Variants in FGD5 observed in about 807,000 individuals in gnomAD.
FGD5 encodes the protein FYVE, RhoGEF and PH domain-containing protein 5.
Under a neutral mutation model 133.4 loss-of-function variants are expected in FGD5, and 28 were observed. The ratio of observed to expected loss-of-function variants is 0.21; its 90% CI spans 0.16 to 0.29. The LOEUF is 0.29. Ranked by LOEUF, FGD5 falls within the 10% of genes least tolerant of loss-of-function variation. The probability of loss-of-function intolerance (pLI) is 1.00; values close to 1 mark genes in which losing one functional copy is unlikely to be tolerated. For synonymous variants in FGD5, 810 were observed against 776.5 expected (o/e 1.04, Z -0.72); for missense variants, 1,858 against 1,895.2 (o/e 0.98, Z 0.36).
Position 14,917,215 on chromosome 3 carries a change from C to T in FGD5, c.3406-34C>T, listed in dbSNP as rs1361284962. On this transcript the variant is annotated intron_variant, in intron 11 of 19. Transcript: ENST00000285046. The surrounding 1 kb of genome is among the most constrained non-coding windows in gnomAD (Gnocchi z 4.1). ...AGAAGCCTGGCGCAGCCTTCTGGGG[C>T]CAGGGTCCTCTCATAGGGTTTCCCT... The T allele has an allele frequency of 1.9e-6, 3 of 1,593,430 alleles. No individual in the cohort carries two copies. Among genetic ancestry groups the T allele is most frequent in the East Asian group, 2.3e-5 (1 of 44,314 alleles).
At chr3:14,854,768 G>A (rs992763499) in intron 1 of FGD5, among the ~76,000 whole-genome samples, 2 of 152,050 alleles carry the variant, frequency 1.3e-5, no homozygotes, top group African/African-American at 2.4e-5. Flanking sequence ...TATTCATTAG[G>A]TCCATAGTGA....
In FGD5 at chr3:14,922,321, A is replaced by C; in HGVS notation, c.3670-90A>C. On this transcript the variant is annotated intron_variant, in intron 14 of 19. Coordinates refer to ENST00000285046, the MANE Select transcript of FGD5 (RefSeq NM_152536.4). This position sits in a 1 kb window ranked among gnomAD's most constrained non-coding sequence, Gnocchi z 4.1. ...CTCACCCACACATCACACACCCTGC[A>C]CAGAGACGCAGGGCAGGGCTCACTG... The C allele has an allele frequency of 6.6e-7, 1 of 1,504,856 alleles. No homozygotes were observed. Among genetic ancestry groups the C allele is most frequent in the Non-Finnish European group, 9.0e-7 (1 of 1,112,448 alleles). 93.2% of individuals were successfully genotyped at this position (1,504,856 alleles called of 1,614,324 possible).
At chr3:14,909,972 G>C (rs369868998) in intron 10 of FGD5, among the ~76,000 whole-genome samples, 12 of 151,812 alleles carry the variant, frequency 7.9e-5, no homozygotes, top group African/African-American at 2.9e-4. Context: ...CACCATATTG[G>C]CCAGGCTGGT....
chr3:14,882,381 G>A (rs112282913), intron 4 of FGD5: 2 of 982,536 alleles, frequency 2.0e-6, no homozygotes, highest in African/African-American at 3.5e-5. Flanking sequence ...TCCTGAGGAT[G>A]GGGTGAAGGG....
chr3:14,873,137 A>G (rs1256697840), intron 2 of FGD5, among the ~76,000 whole-genome samples: 1 of 152,182 alleles, frequency 6.6e-6, no homozygotes, highest in African/African-American at 2.4e-5. Flanking sequence ...CTAAACTGAA[A>G]GAGGGAAGGA....
intron 1 of FGD5, among the ~76,000 whole-genome samples, chr3:14,838,832 AC>A (rs2036865193): frequency 6.6e-6 from 1 of 152,230 alleles, no homozygotes; most frequent in Admixed American, 6.5e-5. Flanking sequence ...CTGGGGCCTC[AC>A]ATCCCTCTCT....
At chr3:14,858,504 TAAC>T (rs1015645495) in intron 1 of FGD5, among the ~76,000 whole-genome samples, 7 of 152,294 alleles carry the variant, frequency 4.6e-5, no homozygotes, top group African/African-American at 1.7e-4. Context: ...CACCTGAAGA[TAAC>T]ACCTCATCCA....
chr3:14,931,343 A>T (rs567662205), intron 18 of FGD5: 2 of 152,252 alleles, frequency 1.3e-5, no homozygotes, highest in Admixed American at 6.5e-5. Flanking sequence ...TTTATTTTAA[A>T]AAAATATTTC....
chr3:14,846,228 C>T (rs2037049032), intron 1 of FGD5, among the ~76,000 whole-genome samples: 1 of 152,032 alleles, frequency 6.6e-6, no homozygotes. Flanking sequence ...GGTTTGGGGG[C>T]TCAGGGGCTT....
chr3:14,865,928 T>A (rs762401396), intron 2 of FGD5, among the ~76,000 whole-genome samples: 1 of 152,160 alleles, frequency 6.6e-6, no homozygotes, highest in Non-Finnish European at 1.5e-5. Flanking sequence ...GATTTTGGCT[T>A]TTCTGGGCAT....
intron 2 of FGD5, among the ~76,000 whole-genome samples, chr3:14,880,358 A>C (rs550228801): frequency 1.3e-5 from 2 of 152,208 alleles, no homozygotes; most frequent in Non-Finnish European, 2.9e-5. Context: ...TGTCTCAAAT[A>C]AAATAAATAC....
intron 1 of FGD5, among the ~76,000 whole-genome samples, chr3:14,857,514 C>G (rs546817380): frequency 6.6e-6 from 1 of 152,096 alleles, no homozygotes; most frequent in Non-Finnish European, 1.5e-5. Flanking sequence ...ACTTAACATA[C>G]AGCAAAGTTT....
rs2038283799 is a variant in FGD5 at position 14,903,536 on chromosome 3, A to G, written c.3264+2475A>G. ...ACCCCACAACAGTCCCCAGAGTGTG[A>G]TGTTCCCCTTCCTGTGTCCATGTGA... On this transcript the variant is annotated intron_variant, in intron 9 of 19. Coordinates refer to ENST00000285046, the MANE Select transcript of FGD5 (RefSeq NM_152536.4). 4.1e-5 allele frequency among the ~76,000 whole-genome samples: 5 copies of G among 122,540 alleles called. No individual in the cohort carries two copies. The South Asian group carries it at 1.3e-3, about 32-fold the overall frequency. The allele number at this position is 122,540 out of a possible 152,430, so 80.4% of individuals were successfully genotyped here. A position where few individuals can be genotyped will look rare whatever the true frequency, so the allele number is the denominator to read the frequency against.
Position 14,819,164 on chromosome 3 carries a change from G to T in FGD5, c.93G>T (p.Leu31Phe), listed in dbSNP as rs2036429618. Residue 31 changes from leucine (L) to phenylalanine (F), a missense_variant, in exon 1 of 20, where the codon TTG (leucine) becomes TTT (phenylalanine). Transcript: ENST00000285046. The surrounding 1 kb of genome is among the most constrained non-coding windows in gnomAD (Gnocchi z 4.1). ...CCAGTGTGTACCTGAATGACAGCTTGAACAAATGCAGCAACGGGCGGCTGC... is the reference window on the plus strand; with the variant it reads ...CCAGTGTGTACCTGAATGACAGCTTTAACAAATGCAGCAACGGGCGGCTGC... The part of the protein sequence containing the change: ...WRASVYLNDS[L>F]NKCSNGRLPC... 1 of 1,551,490 alleles carries T rather than the reference G, an allele frequency of 6.4e-7. No homozygotes were observed. Among genetic ancestry groups the T allele is most frequent in the Non-Finnish European group, 8.7e-7 (1 of 1,147,006 alleles).
At chr3:14,927,663 T>G (rs1478190253) in intron 18 of FGD5, among the ~76,000 whole-genome samples, 1 of 152,166 alleles carries the variant, frequency 6.6e-6, no homozygotes, top group Non-Finnish European at 1.5e-5. Flanking sequence ...ACCCCTATCA[T>G]GTACCCTGAG....
chr3:14,826,164 A>T lies in FGD5; in HGVS notation c.2525+4568A>T, dbSNP rs184432663. Among the ~76,000 whole-genome samples, 34 of 151,590 alleles carry T rather than the reference A, an allele frequency of 2.2e-4. No homozygotes were observed. In the East Asian group the frequency reaches 5.8e-3, roughly 26 times the overall value. On this transcript the variant is annotated intron_variant, in intron 1 of 19. Coordinates refer to ENST00000285046, the MANE Select transcript of FGD5 (RefSeq NM_152536.4). Reference sequence around the variant, plus strand: ...TGTTATGAAAATGTTCAAAAAGTTAAGAGTTTTAGTGTGAACACCCATGTG... The same window carrying T: ...TGTTATGAAAATGTTCAAAAAGTTATGAGTTTTAGTGTGAACACCCATGTG...
In FGD5 at chr3:14,820,605, A is replaced by T. The variant is rs199540712; in HGVS notation, c.1534A>T (p.Ile512Phe). The change falls in exon 1 of 20, where the codon ATT (isoleucine) becomes TTT (phenylalanine). Residue 512 changes from isoleucine (I) to phenylalanine (F), a missense_variant. Transcript: ENST00000285046. ...GPEAGSSAPG[I>F]GGAAEEVGKT... ...TGAGGCGGGCTCGTCAGCCCCTGGC[A>T]TTGGAGGTGCCGCAGAGGAGGTGGG... The T allele has an allele frequency of 1.9e-6, 3 of 1,607,552 alleles. No homozygotes were observed. Among genetic ancestry groups the T allele is most frequent in the Non-Finnish European group, 2.5e-6 (3 of 1,176,946 alleles).
chr3:14,881,355 G>T (rs1285186756), intron 4 of FGD5, among the ~76,000 whole-genome samples: 1 of 152,150 alleles, frequency 6.6e-6, no homozygotes, highest in Non-Finnish European at 1.5e-5. Flanking sequence ...TTTGCAGTCA[G>T]CTCAGTTCAG....
At chr3:14,910,205 G>A (rs1468364415) in intron 10 of FGD5, among the ~76,000 whole-genome samples, 1 of 152,184 alleles carries the variant, frequency 6.6e-6, no homozygotes, top group African/African-American at 2.4e-5. Flanking sequence ...TACAGAGCAT[G>A]GTGAATTGCT....
Sources: allele counts gnomAD v4.1 joint callset (sites outside exome capture counted in the v4.1 genomes callset), GRCh38; gene constraint gnomAD v4.1.1; non-coding constraint Gnocchi (gnomAD v3.1); transcripts MANE v1.5; gene names NCBI Gene and HGNC (gene_info 2026-07-23, HGNC 2026-07-21).